Variants in NDUFV2 observed in about 807,000 individuals in gnomAD.
NDUFV2 encodes the protein NADH dehydrogenase [ubiquinone] flavoprotein 2, mitochondrial.
Under a neutral mutation model 31.6 loss-of-function variants are expected in NDUFV2, and 18 were observed. The observed-to-expected ratio is 0.57, with a 90% CI of 0.39 to 0.84. The LOEUF (loss-of-function observed/expected upper bound fraction) is 0.84. Among genes scored for constraint, NDUFV2 ranks in the 40% least tolerant of loss-of-function variants. The pLI is 0.00. For missense variants in NDUFV2, 314 were observed against 303.6 expected (o/e 1.03, Z -0.26); for synonymous variants, 83 against 99.8 (o/e 0.83, Z 1.01).
chr18:9,127,010 G>A (rs1001275748), intron 7 of NDUFV2, 103 bp downstream of exon 7: 2 of 922,422 alleles, frequency 2.2e-6, no homozygotes, highest in Admixed American at 3.5e-5. Context: ...ATAGGAATTG[G>A]TAGGAGCTTT....
chr18:9,128,602 AGTC>A (rs2078012650), intron 7 of NDUFV2, among the ~76,000 whole-genome samples: 2 of 152,196 alleles, frequency 1.3e-5, no homozygotes, highest in Non-Finnish European at 2.9e-5. Flanking sequence ...TAAAACCTTT[AGTC>A]ATCTATCATT....
At position 9,122,627 on chromosome 18, in the gene NDUFV2, C is replaced by T. The variant is rs886054124; in HGVS notation, c.415C>T (p.Pro139Ser). The T allele has an allele frequency of 4.3e-6, 7 of 1,613,998 alleles. No individual in the cohort carries two copies. Among genetic ancestry groups the T allele is most frequent in the Non-Finnish European group, 5.9e-6 (7 of 1,179,928 alleles). ...TCACATTCAGGTCTGCACTACTACA[C>T]CCTGCATGCTTCGAAACTCTGACAG... ...KYHIQVCTTT[P>S]CMLRNSDSIL... The change falls in exon 5 of 8, where the codon CCC (proline) becomes TCC (serine). Residue 139 changes from proline (P) to serine (S), a missense_variant. Pro to Ser is a moderately conservative substitution (Grantham distance 74). Coordinates refer to ENST00000318388, the MANE Select transcript of NDUFV2 (RefSeq NM_021074.5).
chr18:9,126,752 T>C, intron 6 of NDUFV2, 79 bp from the exon 7 acceptor site: 1 of 1,294,904 alleles, frequency 7.7e-7, no homozygotes, highest in East Asian at 2.4e-5. Flanking sequence ...CTGGGCAACA[T>C]AGTGAGACCT....
At chr18:9,120,865 A>G (rs1310839417) in intron 4 of NDUFV2, among the ~76,000 whole-genome samples, 2 of 152,194 alleles carry the variant, frequency 1.3e-5, no homozygotes, top group African/African-American at 4.8e-5. Flanking sequence ...TGAAAAAATC[A>G]TATTTTTAGT....
At chr18:9,117,724 A>C (rs1359780671) in intron 1 of NDUFV2, 114 bp from the exon 2 acceptor site, 1 of 687,724 alleles carries the variant, frequency 1.5e-6, no homozygotes, top group African/African-American at 1.8e-5. Flanking sequence ...ATATTTCTTA[A>C]GATCTTTTAT....
rs145025831 is a variant in NDUFV2 at position 9,114,468 on chromosome 18, T to A, written c.55-3370T>A. Reference sequence around the variant, plus strand: ...ATCTTTTTTTTTTTTTTTTTTTTAGTTATTAAATGTTTTATCCTTGTGTCA... The same window carrying A: ...ATCTTTTTTTTTTTTTTTTTTTTAGATATTAAATGTTTTATCCTTGTGTCA... On this transcript the variant is annotated intron_variant, in intron 1 of 7. Transcript: ENST00000318388. Among the ~76,000 whole-genome samples the A allele has an allele frequency of 4.7e-3, 709 of 149,412 alleles. 7 individuals are homozygous for A. Among genetic ancestry groups the A allele is most frequent in the African/African-American group, 0.016 (657 of 40,578 alleles).
intron 6 of NDUFV2, among the ~76,000 whole-genome samples, chr18:9,126,043 C>T (rs370952094): frequency 8.5e-5 from 13 of 152,220 alleles, no homozygotes; most frequent in African/African-American, 3.1e-4. Flanking sequence ...GTTCCACTTT[C>T]TTTCTTTGGT....
intron 7 of NDUFV2, 61 bp downstream of exon 7, chr18:9,126,968 A>C: frequency 7.2e-7 from 1 of 1,391,954 alleles, no homozygotes; most frequent in Non-Finnish European, 1.0e-6. Flanking sequence ...TTTCAGATAA[A>C]CTTGATTTAA....
intron 1 of NDUFV2, among the ~76,000 whole-genome samples, chr18:9,106,034 T>A (rs936849024): frequency 5.9e-5 from 9 of 152,346 alleles, no homozygotes; most frequent in Non-Finnish European, 8.8e-5. Context: ...AATAGTGTGT[T>A]TTGTTGTTGC....
chr18:9,105,548 C>G (rs2077837467), intron 1 of NDUFV2, among the ~76,000 whole-genome samples: 1 of 152,240 alleles, frequency 6.6e-6, no homozygotes, highest in African/African-American at 2.4e-5. Flanking sequence ...GAACTTATCA[C>G]TGCCTCATTC....
At chr18:9,104,192 GGTATGTATGAGAAGCCACCCTCTGCT>G in intron 1 of NDUFV2, 1 of 1,612,090 alleles carries the variant, frequency 6.2e-7, no homozygotes, top group Non-Finnish European at 8.5e-7. Context: ...GAAAAAGATC[GGTATGTATGAGAAGCCACCCTCTGCT>G]GTTGGAGGTA....
chr18:9,129,963 G>A (rs2078025619), intron 7 of NDUFV2, among the ~76,000 whole-genome samples: 1 of 152,164 alleles, frequency 6.6e-6, no homozygotes, highest in Non-Finnish European at 1.5e-5. Context: ...TTTTTGGCTT[G>A]AGCATCTCTG....
At chr18:9,124,683 C>T (rs1452314109) in intron 5 of NDUFV2, among the ~76,000 whole-genome samples, 191 bp from the exon 6 acceptor site, 3 of 151,064 alleles carry the variant, frequency 2.0e-5, no homozygotes, top group African/African-American at 4.9e-5. Flanking sequence ...CTCCTGACCT[C>T]GTGATCTGCC....
intron 1 of NDUFV2, among the ~76,000 whole-genome samples, chr18:9,112,059 C>T (rs2077873820): frequency 6.9e-6 from 1 of 145,496 alleles, no homozygotes; most frequent in Non-Finnish European, 1.5e-5. Flanking sequence ...CGCTCTGTCG[C>T]CCAGGCAGGA....
intron 1 of NDUFV2, chr18:9,104,023 G>A: frequency 1.2e-6 from 1 of 869,300 alleles, no homozygotes; most frequent in Non-Finnish European, 1.7e-6. Context: ...GAACTTTAAG[G>A]TTGAGACAAT....
intron 7 of NDUFV2, among the ~76,000 whole-genome samples, chr18:9,131,238 G>C (rs2078037875): frequency 6.6e-6 from 1 of 152,184 alleles, no homozygotes; most frequent in South Asian, 2.1e-4. Flanking sequence ...CTGAGGAAGA[G>C]GAGGGGTTGG....
At chr18:9,125,037 T>C in intron 6 of NDUFV2, 54 bp downstream of exon 6, 1 of 1,544,002 alleles carries the variant, frequency 6.5e-7, no homozygotes, top group South Asian at 1.2e-5. Flanking sequence ...ATTTAAAACA[T>C]TTTAAATATT....
At chr18:9,125,011 A>G (rs1454487955) in intron 6 of NDUFV2, 28 bp downstream of exon 6, 3 of 1,605,310 alleles carry the variant, frequency 1.9e-6, no homozygotes, top group Non-Finnish European at 2.6e-6. Flanking sequence ...TACAAGTTAA[A>G]GTTGTATGAT....
intron 1 of NDUFV2, among the ~76,000 whole-genome samples, chr18:9,116,833 G>GCGGGAAAAAA: frequency 6.6e-6 from 1 of 152,182 alleles, no homozygotes; most frequent in Non-Finnish European, 1.5e-5. Context: ...CCAGTGTTCT[G>GCGGGAAAAAA]CCGTCTGTGG....
Sources: gnomAD v4.1 joint callset for allele counts (sites outside exome capture counted in the v4.1 genomes callset) on GRCh38, gnomAD v4.1.1 for gene constraint, MANE v1.5 for transcripts, NCBI Gene and HGNC (gene_info 2026-07-23, HGNC 2026-07-21) for gene names.